The following EPHA6 variants were observed in gnomAD, a reference collection of about 807,000 sequenced individuals.
EPHA6 encodes the protein ephrin type-A receptor 6.
In EPHA6, 50 loss-of-function variants were observed where a neutral mutation model predicts 112.0. The ratio of observed to expected loss-of-function variants is 0.45; its 90% CI spans 0.36 to 0.56. The LOEUF (loss-of-function observed/expected upper bound fraction) is 0.56, where lower values mean the gene tolerates loss of function less well. Ranked by LOEUF, EPHA6 falls within the 20% of genes least tolerant of loss-of-function variation. EPHA6 has a pLI of 0.00. For missense variants in EPHA6, 1,280 were observed against 1,417.4 expected (o/e 0.90, Z 1.56); for synonymous variants, 529 against 490.7 (o/e 1.08, Z -1.03).
intron 13 of EPHA6, among the ~76,000 whole-genome samples, chr3:97,621,406 C>T (rs140691564): frequency 6.6e-6 from 1 of 151,852 alleles, no homozygotes; most frequent in Non-Finnish European, 1.5e-5. Flanking sequence ...TGCACATGTA[C>T]CCCTGAACTT....
At chr3:97,123,203 G>C (rs76013723) in intron 3 of EPHA6, among the ~76,000 whole-genome samples, 1,629 of 152,040 alleles carry the variant, frequency 0.011, 22 homozygotes, top group Non-Finnish European at 0.016. Context: ...ACTATTATTC[G>C]TGTTAAACTT....
intron 3 of EPHA6, among the ~76,000 whole-genome samples, chr3:97,157,922 G>T (rs990975702): frequency 2.6e-5 from 4 of 151,972 alleles, no homozygotes; most frequent in African/African-American, 9.7e-5. Flanking sequence ...AAATGTCTAG[G>T]TATTCCATGG....
At chr3:97,018,620 T>C (rs2107970865) in intron 3 of EPHA6, among the ~76,000 whole-genome samples, 1 of 152,342 alleles carries the variant, frequency 6.6e-6, no homozygotes, top group African/African-American at 2.4e-5. Context: ...TTCACTAATT[T>C]GCTACTGCTA....
At chr3:97,647,214 C>T (rs2094071734) in intron 14 of EPHA6, among the ~76,000 whole-genome samples, 1 of 152,066 alleles carries the variant, frequency 6.6e-6, no homozygotes, top group African/African-American at 2.4e-5. Context: ...CTCTACTGCA[C>T]CACCAACCAA....
intron 3 of EPHA6, among the ~76,000 whole-genome samples, chr3:97,166,564 T>C (rs2076548430): frequency 6.6e-6 from 1 of 152,084 alleles, no homozygotes; most frequent in South Asian, 2.1e-4. Context: ...TTGGCAGATA[T>C]TTTAGCGTTT....
At chr3:97,290,624 C>CA in intron 5 of EPHA6, among the ~76,000 whole-genome samples, 1 of 152,074 alleles carries the variant, frequency 6.6e-6, no homozygotes, top group African/African-American at 2.4e-5. Context: ...GTTGTGTTAT[C>CA]AAAAATTTAC....
At chr3:96,906,703 A>C (rs1316637264) in intron 2 of EPHA6, among the ~76,000 whole-genome samples, 1 of 152,030 alleles carries the variant, frequency 6.6e-6, no homozygotes, top group Non-Finnish European at 1.5e-5. Context: ...CAGCTGCAGA[A>C]TCCCATAGTA....
At chr3:97,073,349 C>A (rs927658105) in intron 3 of EPHA6, among the ~76,000 whole-genome samples, 23 of 152,196 alleles carry the variant, frequency 1.5e-4, no homozygotes, top group Middle Eastern at 3.4e-3. Context: ...TCATAACCTC[C>A]TTCCTAATTT....
intron 3 of EPHA6, among the ~76,000 whole-genome samples, chr3:97,151,845 T>G (rs1483406770): frequency 6.6e-6 from 1 of 152,010 alleles, no homozygotes; most frequent in African/African-American, 2.4e-5. Context: ...GGTAATAATA[T>G]ATGATTATAT....
Position 97,376,686 on chromosome 3 carries a change from C to G in EPHA6, c.1607-28464C>G, listed in dbSNP as rs375558247. Among the ~76,000 whole-genome samples, 29 of 152,320 alleles carry G rather than the reference C, an allele frequency of 1.9e-4. No homozygotes were observed. The East Asian group carries it at 5.6e-3, about 29-fold the overall frequency. ...ACTGGTGGGTGCTGCTTCAATGAGACAGCAAGATTCCTGCTCAGGTCATTA... is the reference window on the plus strand; with the variant it reads ...ACTGGTGGGTGCTGCTTCAATGAGAGAGCAAGATTCCTGCTCAGGTCATTA... On this transcript the variant is annotated intron_variant, in intron 5 of 17. Coordinates refer to ENST00000389672, the MANE Select transcript of EPHA6 (RefSeq NM_001080448.3).
chr3:97,661,775 A>C (rs2107634393), intron 14 of EPHA6, among the ~76,000 whole-genome samples: 1 of 152,242 alleles, frequency 6.6e-6, no homozygotes, highest in Non-Finnish European at 1.5e-5. Context: ...CCCAGTCAGA[A>C]CTTTCTGAAT....
intron 2 of EPHA6, among the ~76,000 whole-genome samples, chr3:96,902,955 C>A (rs2038701273): frequency 6.6e-6 from 1 of 152,108 alleles, no homozygotes; most frequent in Admixed American, 6.5e-5. Context: ...GTGGTGCTCA[C>A]ACTTTAGCAA....
chr3:97,192,944 A>G (rs942221050), intron 3 of EPHA6, among the ~76,000 whole-genome samples: 9 of 152,074 alleles, frequency 5.9e-5, no homozygotes, highest in African/African-American at 1.9e-4. Flanking sequence ...AAATGAGTTC[A>G]CTGTAGCAGT....
At chr3:97,709,121 C>A (rs973404805) in intron 14 of EPHA6, among the ~76,000 whole-genome samples, 30 of 151,136 alleles carry the variant, frequency 2.0e-4, no homozygotes, top group African/African-American at 6.6e-4. Flanking sequence ...CCTCAAGACC[C>A]CAGAGTGTTA....
intron 2 of EPHA6, among the ~76,000 whole-genome samples, chr3:96,913,998 A>C (rs952769054): frequency 6.6e-6 from 1 of 152,118 alleles, no homozygotes; most frequent in African/African-American, 2.4e-5. Flanking sequence ...TGTAGTGGAG[A>C]TATGATCAAC....
At chr3:97,319,447 C>A (rs1341272921) in intron 5 of EPHA6, among the ~76,000 whole-genome samples, 1 of 151,398 alleles carries the variant, frequency 6.6e-6, no homozygotes, top group Non-Finnish European at 1.5e-5. Flanking sequence ...GTGGGCGGAG[C>A]ATTTGAGGTC....
intron 1 of EPHA6, among the ~76,000 whole-genome samples, chr3:96,826,983 C>A (rs1046614563): frequency 6.6e-6 from 1 of 152,220 alleles, no homozygotes; most frequent in South Asian, 2.1e-4. Flanking sequence ...GGTTCCTTAT[C>A]TTCCAATTTA....
At chr3:96,926,401 C>G (rs774082708) in intron 2 of EPHA6, among the ~76,000 whole-genome samples, 2 of 152,126 alleles carry the variant, frequency 1.3e-5, no homozygotes, top group African/African-American at 2.4e-5. Flanking sequence ...CCCCCTGCCC[C>G]CCAACAAATC....
chr3:97,570,347 A>T (rs2093320285), intron 11 of EPHA6, among the ~76,000 whole-genome samples: 1 of 152,222 alleles, frequency 6.6e-6, no homozygotes, highest in Non-Finnish European at 1.5e-5. Flanking sequence ...GTCTAAGGGC[A>T]GAGGCATTCC....
Sources: gnomAD v4.1 joint callset for allele counts (sites outside exome capture counted in the v4.1 genomes callset) on GRCh38, gnomAD v4.1.1 for gene constraint, MANE v1.5 for transcripts, NCBI Gene and HGNC (gene_info 2026-07-23, HGNC 2026-07-21) for gene names.